Variants in ZNF768 observed in about 807,000 individuals in gnomAD.
ZNF768 encodes zinc finger protein 768.
Under a neutral mutation model 39.7 loss-of-function variants are expected in ZNF768, and 12 were observed. The observed-to-expected ratio is 0.30, with a 90% confidence interval of 0.19 to 0.49. The LOEUF is 0.49. ZNF768 is among the 20% of genes least tolerant of loss of function. The pLI, the probability that ZNF768 is intolerant of heterozygous loss-of-function variation, is 0.99. For missense variants in ZNF768, 613 were observed against 723.2 expected (o/e 0.85, Z 1.75); for synonymous variants, 360 against 288.4 (o/e 1.25, Z -2.52).
upstream of ZNF768, among the ~76,000 whole-genome samples, chr16:30,528,967 TATC>T (rs1311637264): frequency 6.6e-6 from 1 of 152,202 alleles, no homozygotes; most frequent in Non-Finnish European, 1.5e-5. Flanking sequence ...CCTGCACTCT[TATC>T]ATGAGCCACA....
In ZNF768 at chr16:30,525,055, C is replaced by T. The variant is rs1306866801; in HGVS notation, c.1085G>A (p.Arg362Gln). Residue 362 changes from arginine to glutamine, a missense_variant, in exon 2 of 2, where the codon CGA becomes CAA. Physicochemically the swap from Arg to Gln is conservative, Grantham distance 43 (BLOSUM62 1). This residue lies in a region of ZNF768 where 204 missense variants were observed against 281.7 expected (regional missense o/e 0.72). Transcript: ENST00000380412. ...KAFGDSSYLLRHQRTHSHERP... is the reference protein window; with the variant it reads ...KAFGDSSYLLQHQRTHSHERP... ...CTCGTGGCTGTGGGTGCGCTGGTGTCGCAGGAGGTAGGAGCTGTCGCCGAA... is the reference window on the plus strand; with the variant it reads ...CTCGTGGCTGTGGGTGCGCTGGTGTTGCAGGAGGTAGGAGCTGTCGCCGAA... 1.2e-6 allele frequency: 2 copies of T among 1,612,602 alleles called. No individual in the cohort carries two copies. The highest frequency in any genetic ancestry group is 1.3e-5 in the African/African-American group (1 of 74,448).
In ZNF768 at chr16:30,526,436, G is replaced by A. The variant is rs766833769; in HGVS notation, c.-23C>T. On this transcript the variant is annotated 5_prime_UTR_variant, in exon 1 of 2. Coordinates refer to ENST00000380412, the MANE Select transcript of ZNF768 (RefSeq NM_024671.4). ...CATCCCCGCGGGCTCCCAGTGCAGC[G>A]GCGGCGGCGATGGCGGCCGATCCCG... 3.9e-6 allele frequency: 6 copies of A among 1,529,266 alleles called. No individual in the cohort carries two copies. Among genetic ancestry groups the A allele is most frequent in the East Asian group, 2.7e-5 (1 of 37,026 alleles). 94.7% of individuals were successfully genotyped at this position (1,529,266 alleles called of 1,614,324 possible).
In ZNF768 at chr16:30,526,491, G is replaced by C. The variant is rs575764658; in HGVS notation, c.-78C>G. 14 of 1,274,124 alleles carry C rather than the reference G, an allele frequency of 1.1e-5. No homozygotes were observed. The East Asian group carries it at 3.9e-4, about 35-fold the overall frequency. The allele number at this position is 1,274,124 out of a possible 1,614,324, so 78.9% of individuals were successfully genotyped here. On this transcript the variant is annotated 5_prime_UTR_variant, in exon 1 of 2. Coordinates refer to ENST00000380412, the MANE Select transcript of ZNF768 (RefSeq NM_024671.4). ...CCGGCCTCGGTTGCCCCGAGCCGCG[G>C]GCCCCCGCCTCCCGCCCGCTCAGCG...
Position 30,524,963 on chromosome 16 carries a change from T to C in ZNF768, c.1177A>G (p.Arg393Gly), listed in dbSNP as rs1465756805. 1.9e-6 allele frequency: 3 copies of C among 1,611,042 alleles called. No homozygotes were observed. The highest frequency in any genetic ancestry group is 1.4e-5 in the African/African-American group (1 of 73,776). The change falls in exon 2 of 2, where the codon AGG becomes GGG. Residue 393 changes from arginine (R) to glycine (G), a missense_variant. Transcript: ENST00000380412. ...AAGGGCCTCTGACCGGTGTGCACCC[T>C]CTGATGGCTGCGCAGGGACGAGTTC... The part of the protein sequence containing the change: ...SQNSSLRSHQ[R>G]VHTGQRPFSC...
chr16:30,528,055 A>C (rs2051344014), upstream of ZNF768: 1 of 152,122 alleles, frequency 6.6e-6, no homozygotes, highest in African/African-American at 2.4e-5. Flanking sequence ...GTGCTGAAAC[A>C]AGTTTGGCAG....
chr16:30,525,888 C>T lies in ZNF768; in HGVS notation c.252G>A (p.Pro84=), dbSNP rs543005126. 7.9e-6 allele frequency: 12 copies of T among 1,517,796 alleles called. No individual in the cohort carries two copies. The Admixed American group carries it at 1.4e-4, about 17-fold the overall frequency. The allele number at this position is 1,517,796 out of a possible 1,614,324, so 94.0% of individuals were successfully genotyped here. A position where few individuals can be genotyped will look rare whatever the true frequency, so the allele number is the denominator to read the frequency against. ...PQSPRFEPES[P]GFESRSPGLV... ...GCCCAGGGCTTCGGGACTCAAACCC[C>T]GGGCTTTCAGGCTCAAATCTGGGGC... Residue 84 remains proline (P), a synonymous_variant, in exon 2 of 2, where the codon CCG becomes CCA. Coordinates refer to ENST00000380412, the MANE Select transcript of ZNF768 (RefSeq NM_024671.4).
the ZNF768 span, chr16:30,532,311 G>A: frequency 1.5e-6 from 1 of 668,986 alleles, no homozygotes; most frequent in Non-Finnish European, 2.5e-6. Context: ...GGGCCTTGGA[G>A]AGCCCAGGGC....
At position 30,524,353 on chromosome 16, in the gene ZNF768, C is replaced by G. The variant is rs551437374; in HGVS notation, c.*164G>C. On this transcript the variant is annotated 3_prime_UTR_variant, in exon 2 of 2. Transcript: ENST00000380412. ...TGGCCTCCCTCCAACCCACTTCCCA[C>G]AAGTCTCCAGGGCATGTCACTTCCT... 4 of 1,223,132 alleles carry G rather than the reference C, an allele frequency of 3.3e-6. No individual in the cohort carries two copies. In the South Asian group the frequency reaches 4.9e-5, roughly 15 times the overall value. The allele number at this position is 1,223,132 out of a possible 1,614,324, so 75.8% of individuals were successfully genotyped here. A position where few individuals can be genotyped will look rare whatever the true frequency, so the allele number is the denominator to read the frequency against.
the ZNF768 span, chr16:30,531,976 ATC>A: frequency 5.9e-6 from 1 of 168,450 alleles, no homozygotes; most frequent in Non-Finnish European, 1.3e-5. Flanking sequence ...GTGAAACCCC[ATC>A]TCTACTAAAA....
At chr16:30,529,219 A>T (rs2051350831), upstream of ZNF768, among the ~76,000 whole-genome samples, 1 of 152,250 alleles carries the variant, frequency 6.6e-6, no homozygotes, top group Non-Finnish European at 1.5e-5. Context: ...TAAGGGCTGC[A>T]TCTTGACCCA....
chr16:30,527,090 A>C, upstream of ZNF768: 4 of 985,216 alleles, frequency 4.1e-6, no homozygotes, highest in Non-Finnish European at 4.8e-6. Context: ...AGCGAGACCA[A>C]GGTCAGCGAG....
Position 30,525,339 on chromosome 16 carries a change from C to G in ZNF768, c.801G>C (p.Gly267=). Residue 267 remains glycine (G), a synonymous_variant, in exon 2 of 2, where the codon GGG becomes GGC. Coordinates refer to ENST00000380412, the MANE Select transcript of ZNF768 (RefSeq NM_024671.4). ...GGGTGGAGCCCCGCCCGAAGCTCTTCCCGCAGATGCCACAGATGTTAGGCC... is the reference window on the plus strand; with the variant it reads ...GGGTGGAGCCCCGCCCGAAGCTCTTGCCGCAGATGCCACAGATGTTAGGCC... The part of the protein sequence containing the change: ...GPRPNICGIC[G]KSFGRGSTLI... 6.2e-7 allele frequency: 1 copy of G among 1,614,130 alleles called. No homozygotes were observed. Among genetic ancestry groups the G allele is most frequent in the Non-Finnish European group, 8.5e-7 (1 of 1,179,994 alleles).
chr16:30,525,088 C>T lies in ZNF768; in HGVS notation c.1052G>A (p.Gly351Asp). 6.2e-7 allele frequency: 1 copy of T among 1,614,170 alleles called. No homozygotes were observed. The highest frequency in any genetic ancestry group is 8.5e-7 in the Non-Finnish European group (1 of 1,180,016). Reference sequence around the variant, plus strand: ...GTAGGAGCTGTCGCCGAAGGCCTTGCCACAATGTGGGCACTTGTAGGGCTT... The same window carrying T: ...GTAGGAGCTGTCGCCGAAGGCCTTGTCACAATGTGGGCACTTGTAGGGCTT... The part of the protein sequence containing the change: ...GQKPYKCPHC[G>D]KAFGDSSYLL... Residue 351 changes from glycine (G) to aspartate (D), a missense_variant, in exon 2 of 2, where the codon GGC becomes GAC. Transcript: ENST00000380412.
rs560399450 is a variant in ZNF768, at chr16:30,524,808, C to T, written c.1332G>A (p.Leu444=). The T allele has an allele frequency of 4.3e-6, 7 of 1,610,600 alleles. 1 individual carries two copies. In the South Asian group the frequency reaches 7.7e-5, roughly 18 times the overall value. The change falls in exon 2 of 2, where the codon CTG becomes CTA. Residue 444 remains leucine, a synonymous_variant. Transcript: ENST00000380412. ...GCAGGTGGGTGCGGGCGTGGATGGC[C>T]AGCACCGAGCTCTGGCCAAAGCGCT... ...CGKRFGQSSV[L]AIHARTHLPG... is the part of the protein sequence containing the mutation.
At position 30,526,429 on chromosome 16, in the gene ZNF768, G is replaced by C; in HGVS notation, c.-16C>G. 6.5e-7 allele frequency: 1 copy of C among 1,539,138 alleles called. No individual in the cohort carries two copies. The highest frequency in any genetic ancestry group is 8.7e-7 in the Non-Finnish European group (1 of 1,145,160). On this transcript the variant is annotated 5_prime_UTR_variant, in exon 1 of 2. Transcript: ENST00000380412. ...CCCGCTCCATCCCCGCGGGCTCCCAGTGCAGCGGCGGCGGCGATGGCGGCC... is the reference window on the plus strand; with the variant it reads ...CCCGCTCCATCCCCGCGGGCTCCCACTGCAGCGGCGGCGGCGATGGCGGCC...
rs200652900 is a variant in ZNF768 at position 30,525,818 on chromosome 16, C to G, written c.322G>C (p.Asp108His). The change falls in exon 2 of 2, where the codon GAT (aspartate) becomes CAT (histidine). Residue 108 changes from aspartate to histidine, a missense_variant. Coordinates refer to ENST00000380412, the MANE Select transcript of ZNF768 (RefSeq NM_024671.4). ...PEFAPRSPES[D>H]SQSPEFESQS... ...GATTCAAACTCAGGGCTCTGAGAAT[C>G]TGATTCAGGGCTTCTGGGTGCAAAC... 3.6e-5 allele frequency: 55 copies of G among 1,542,808 alleles called. No homozygotes were observed. The Admixed American group carries it at 9.4e-4, about 26-fold the overall frequency.
In ZNF768 at chr16:30,524,991, G is replaced by A. The variant is rs766354454; in HGVS notation, c.1149C>T (p.Ser383=). The A allele has an allele frequency of 8.1e-6, 13 of 1,613,692 alleles. No individual in the cohort carries two copies. The South Asian group carries it at 1.4e-4, about 18-fold the overall frequency. ...YSCTECGKCY[S]QNSSLRSHQR... is the part of the protein sequence containing the mutation. ...GATGGCTGCGCAGGGACGAGTTCTG[G>A]CTATAGCACTTGCCGCACTCGGTGC... The change falls in exon 2 of 2, where the codon AGC becomes AGT. Residue 383 remains serine (S), a synonymous_variant. Coordinates refer to ENST00000380412, the MANE Select transcript of ZNF768 (RefSeq NM_024671.4).
chr16:30,525,859 A>C lies in ZNF768; in HGVS notation c.281T>G (p.Val94Gly), dbSNP rs2051317901. 6.6e-7 allele frequency: 1 copy of C among 1,523,932 alleles called. No individual in the cohort carries two copies. Among genetic ancestry groups the C allele is most frequent in the Non-Finnish European group, 8.8e-7 (1 of 1,140,320 alleles). The allele number at this position is 1,523,932 out of a possible 1,614,324, so 94.4% of individuals were successfully genotyped here. A position where few individuals can be genotyped will look rare whatever the true frequency, so the allele number is the denominator to read the frequency against. ...GGGTGCAAACTCAGGGCTTGGGGGC[A>C]CAAGCCCAGGGCTTCGGGACTCAAA... ...PGFESRSPGL[V>G]PPSPEFAPRS... The change falls in exon 2 of 2, where the codon GTG becomes GGG. Residue 94 changes from valine to glycine, a missense_variant. Transcript: ENST00000380412.
chr16:30,527,192 C>G (rs1007532509), upstream of ZNF768: 5 of 985,282 alleles, frequency 5.1e-6, no homozygotes, highest in Non-Finnish European at 3.6e-6. Context: ...CCTCGGGAAC[C>G]GGGACGGACT....
Sources: gnomAD v4.1 joint callset for allele counts (sites outside exome capture counted in the v4.1 genomes callset) on GRCh38, gnomAD v4.1.1 for gene constraint, gnomAD v4.1.1 regional missense constraint, MANE v1.5 for transcripts, NCBI Gene and HGNC (gene_info 2026-07-23, HGNC 2026-07-21) for gene names.